NKAIN3: variants seen among roughly 807,000 people sequenced by gnomAD.
The protein encoded by NKAIN3 is sodium/potassium transporting ATPase interacting 3, also known as sodium/potassium-transporting ATPase subunit beta-1-interacting protein 3.
NKAIN3 carries 25 observed loss-of-function variants against 30.2 expected under a neutral mutation model. The ratio of observed to expected loss-of-function variants is 0.83; its 90% CI spans 0.60 to 1.16. The LOEUF (loss-of-function observed/expected upper bound fraction) is 1.16. Among genes scored for constraint, NKAIN3 ranks in the 50% most tolerant of loss-of-function variants. The pLI is 0.00. For missense variants in NKAIN3, 225 were observed against 254.1 expected (o/e 0.89, Z 0.78); for synonymous variants, 91 against 89.6 (o/e 1.02, Z -0.09).
chr8:62,259,574 A>G (rs767720233), intron 1 of NKAIN3, among the ~76,000 whole-genome samples: 1 of 152,216 alleles, frequency 6.6e-6, no homozygotes, highest in Non-Finnish European at 1.5e-5. Flanking sequence ...ATATAGCACA[A>G]ACTATCTAAT....
chr8:62,285,397 C>T (rs973726536), intron 1 of NKAIN3, among the ~76,000 whole-genome samples: 1 of 152,120 alleles, frequency 6.6e-6, no homozygotes, highest in African/African-American at 2.4e-5. Flanking sequence ...ATCTCATTAT[C>T]AGGAGCTGTG....
intron 1 of NKAIN3, among the ~76,000 whole-genome samples, chr8:62,417,949 G>A (rs1391603427): frequency 6.6e-6 from 1 of 152,164 alleles, no homozygotes; most frequent in African/African-American, 2.4e-5. Context: ...GAAGAACAGT[G>A]GAGTGAAGGA....
chr8:62,394,896 G>A (rs1646835725), intron 1 of NKAIN3, among the ~76,000 whole-genome samples: 1 of 143,902 alleles, frequency 6.9e-6, no homozygotes, highest in Non-Finnish European at 1.5e-5. Flanking sequence ...TCACTTCCCC[G>A]ACGGGGCGGC....
intron 6 of NKAIN3, among the ~76,000 whole-genome samples, chr8:62,960,420 T>C (rs1823537518): frequency 1.3e-5 from 2 of 152,258 alleles, no homozygotes; most frequent in South Asian, 4.1e-4. Flanking sequence ...TTCCTGACTT[T>C]CTCAGAACTT....
intron 5 of NKAIN3, among the ~76,000 whole-genome samples, chr8:62,934,188 C>T (rs1042236839): frequency 1.3e-4 from 20 of 151,962 alleles, no homozygotes; most frequent in African/African-American, 4.8e-4. Context: ...AGCTTGAGAC[C>T]AGTCTGGGCG....
intron 1 of NKAIN3, among the ~76,000 whole-genome samples, chr8:62,276,209 G>T (rs1812952710): frequency 6.6e-6 from 1 of 152,038 alleles, no homozygotes; most frequent in South Asian, 2.1e-4. Context: ...GGAATTACAG[G>T]CCTGTGTCAC....
At chr8:62,471,005 C>A (rs1293860113) in intron 1 of NKAIN3, among the ~76,000 whole-genome samples, 1 of 152,032 alleles carries the variant, frequency 6.6e-6, no homozygotes. Flanking sequence ...CTAAAACACA[C>A]AGACATTCAG....
chr8:62,953,672 A>T (rs992212358), intron 5 of NKAIN3, among the ~76,000 whole-genome samples: 1 of 152,190 alleles, frequency 6.6e-6, no homozygotes, highest in African/African-American at 2.4e-5. Flanking sequence ...ACTGAAACCA[A>T]TAACAACTTA....
intron 1 of NKAIN3, among the ~76,000 whole-genome samples, chr8:62,501,608 G>T (rs1046999077): frequency 6.7e-6 from 1 of 149,580 alleles, no homozygotes; most frequent in South Asian, 2.1e-4. Flanking sequence ...TAGGCATTAC[G>T]AGAAATGTGC....
rs193298793 is a variant in NKAIN3, at chr8:62,306,493, A to G, written c.54+57366A>G. 1.5e-3 allele frequency among the ~76,000 whole-genome samples: 218 copies of G among 149,806 alleles called. 20 individuals are homozygous for G. Among genetic ancestry groups the G allele is most frequent in the African/African-American group, 5.2e-3 (206 of 39,484 alleles). ...CCTACCTGACTGACTGTATTCGTAA[A>G]TTAAAGAAAGGATGTGTCAATGCCT... On this transcript the variant is annotated intron_variant, in intron 1 of 6. Transcript: ENST00000623646.
chr8:62,936,959 T>C (rs1822804332), intron 5 of NKAIN3, among the ~76,000 whole-genome samples: 1 of 152,038 alleles, frequency 6.6e-6, no homozygotes, highest in African/African-American at 2.4e-5. Context: ...TTTTAGGACT[T>C]TGCCTAAACT....
chr8:62,292,058 C>T (rs1049561802), intron 1 of NKAIN3, among the ~76,000 whole-genome samples: 14 of 152,056 alleles, frequency 9.2e-5, no homozygotes, highest in Non-Finnish European at 1.8e-4. Context: ...AGGATTACAA[C>T]CCCTGCTTTT....
At chr8:62,812,610 T>G (rs956024233) in intron 4 of NKAIN3, among the ~76,000 whole-genome samples, 1 of 151,870 alleles carries the variant, frequency 6.6e-6, no homozygotes, top group Non-Finnish European at 1.5e-5. Flanking sequence ...AGGAGAGTTT[T>G]TTTTTAATTC....
chr8:62,671,994 T>C (rs1813319986), intron 3 of NKAIN3, among the ~76,000 whole-genome samples: 1 of 152,194 alleles, frequency 6.6e-6, no homozygotes, highest in Non-Finnish European at 1.5e-5. Flanking sequence ...ATTGCTGGGA[T>C]GTGCTGATTG....
At chr8:62,944,901 T>C (rs1448947534) in intron 5 of NKAIN3, among the ~76,000 whole-genome samples, 1 of 152,190 alleles carries the variant, frequency 6.6e-6, no homozygotes, top group Non-Finnish European at 1.5e-5. Context: ...CTCAAATACT[T>C]CCAATATTTG....
chr8:62,973,908 T>C lies in NKAIN3; in HGVS notation c.*8501T>C, dbSNP rs1317734239. ...GGCTAGCTAATTTTCCCAGCACCATTTATTAAATAGGAAATCCTTTCCCCA... is the reference window on the plus strand; with the variant it reads ...GGCTAGCTAATTTTCCCAGCACCATCTATTAAATAGGAAATCCTTTCCCCA... On this transcript the variant is annotated 3_prime_UTR_variant, in exon 7 of 7. Coordinates refer to ENST00000623646, the MANE Select transcript of NKAIN3 (RefSeq NM_001304533.3). 6.6e-6 allele frequency among the ~76,000 whole-genome samples: 1 copy of C among 152,220 alleles called. No individual in the cohort carries two copies. Among genetic ancestry groups the C allele is most frequent in the Non-Finnish European group, 1.5e-5 (1 of 68,034 alleles).
At chr8:62,934,126 T>C (rs940425902) in intron 5 of NKAIN3, among the ~76,000 whole-genome samples, 1 of 152,196 alleles carries the variant, frequency 6.6e-6, no homozygotes, top group African/African-American at 2.4e-5. Context: ...GACACGCACC[T>C]GTAATCCCAG....
At chr8:62,311,322 C>T (rs1212582612) in intron 1 of NKAIN3, among the ~76,000 whole-genome samples, 1 of 150,184 alleles carries the variant, frequency 6.7e-6, no homozygotes, top group African/African-American at 2.5e-5. Context: ...AAGAAAGCAG[C>T]TGTGTGTGCA....
chr8:62,944,761 G>A (rs964069789), intron 5 of NKAIN3, among the ~76,000 whole-genome samples: 4 of 152,090 alleles, frequency 2.6e-5, no homozygotes, highest in Admixed American at 1.3e-4. Flanking sequence ...ATCTTGATGA[G>A]TAAGTCCTAA....
Sources: gnomAD v4.1 joint callset for allele counts (sites outside exome capture counted in the v4.1 genomes callset) on GRCh38, gnomAD v4.1.1 for gene constraint, MANE v1.5 for transcripts, NCBI Gene and HGNC (gene_info 2026-07-23, HGNC 2026-07-21) for gene names.